The following XYLT1 variants were observed in gnomAD, a reference collection of about 807,000 sequenced individuals.
XYLT1 encodes beta-D-xylosyltransferase 1.
Under a neutral mutation model 91.3 loss-of-function variants are expected in XYLT1, and 36 were observed. That is an observed-to-expected ratio of 0.39 (90% CI 0.30 to 0.52). The LOEUF (loss-of-function observed/expected upper bound fraction) is 0.52. Ranked by LOEUF, XYLT1 falls within the 20% of genes least tolerant of loss-of-function variation. XYLT1 has a pLI of 0.68. For synonymous variants in XYLT1, 588 were observed against 532.0 expected (o/e 1.11, Z -1.45); for missense variants, 1,242 against 1,284.5 (o/e 0.97, Z 0.51).
intron 5 of XYLT1, among the ~76,000 whole-genome samples, chr16:17,188,100 A>C (rs1320599549): frequency 6.6e-6 from 1 of 151,842 alleles, no homozygotes; most frequent in Non-Finnish European, 1.5e-5. Context: ...TGGGTTCAGG[A>C]AGCTCCTTAT....
chr16:17,332,135 G>A lies in XYLT1; in HGVS notation c.402+25877C>T, dbSNP rs141077081. Among the ~76,000 whole-genome samples the A allele has an allele frequency of 4.9e-4, 75 of 152,336 alleles. 5 individuals are homozygous for A. In the East Asian group the frequency reaches 0.014, roughly 29 times the overall value. On this transcript the variant is annotated intron_variant, in intron 2 of 11. Coordinates refer to ENST00000261381, the MANE Select transcript of XYLT1 (RefSeq NM_022166.4). ...ATACAACCGTGTGGCCCTGCATGGTGCACAGCACCTGCTTCCCTGGGGCTG... is the reference window on the plus strand; with the variant it reads ...ATACAACCGTGTGGCCCTGCATGGTACACAGCACCTGCTTCCCTGGGGCTG...
intron 1 of XYLT1, among the ~76,000 whole-genome samples, chr16:17,417,959 C>G (rs543145019): frequency 3.3e-4 from 50 of 152,316 alleles, no homozygotes; most frequent in African/African-American, 1.1e-3. Context: ...TGAGCTCCCC[C>G]CAACAACCCT....
intron 7 of XYLT1, among the ~76,000 whole-genome samples, chr16:17,140,784 G>A (rs1265337224): frequency 6.6e-6 from 1 of 151,906 alleles, no homozygotes; most frequent in Admixed American, 6.6e-5. Flanking sequence ...CATTGTGGAT[G>A]TCAGAAGGGT....
rs115613097 is a variant in XYLT1 at position 17,136,297 on chromosome 16, T to C, written c.1765-1562A>G. On this transcript the variant is annotated intron_variant, in intron 8 of 11. Coordinates refer to ENST00000261381, the MANE Select transcript of XYLT1 (RefSeq NM_022166.4). ...ATGACTCCAAAATCCAAGCCCTTTC[T>C]ACTGTATCACTCCAGGACTGAGGCA... Among the ~76,000 whole-genome samples, 791 of 152,286 alleles carry C rather than the reference T, an allele frequency of 5.2e-3. 5 individuals carry two copies. The highest frequency in any genetic ancestry group is 0.016 in the African/African-American group (676 of 41,540).
chr16:17,164,296 T>C (rs879822615), intron 5 of XYLT1, among the ~76,000 whole-genome samples: 12 of 150,650 alleles, frequency 8.0e-5, no homozygotes, highest in African/African-American at 2.9e-4. Context: ...GTCACAAATT[T>C]TTTTTTTTTT....
intron 2 of XYLT1, among the ~76,000 whole-genome samples, chr16:17,340,495 A>G (rs1041181229): frequency 7.9e-5 from 12 of 152,224 alleles, no homozygotes; most frequent in Non-Finnish European, 1.6e-4. Flanking sequence ...GAGGTATCAC[A>G]GAATGGTTAA....
At chr16:17,134,430 C>T in intron 9 of XYLT1, 43 bp downstream of exon 9, 2 of 1,605,728 alleles carry the variant, frequency 1.2e-6, no homozygotes, top group Non-Finnish European at 1.7e-6. Flanking sequence ...AGCCTCCCCT[C>T]CTGCTTCTCA....
rs2036608109 is a variant in XYLT1, at chr16:17,447,523, G to C, written c.363+22911C>G. Among the ~76,000 whole-genome samples, 3 of 152,370 alleles carry C rather than the reference G, an allele frequency of 2.0e-5. No homozygotes were observed. In the South Asian group the frequency reaches 6.2e-4, roughly 32 times the overall value. ...GAGGGTCTCCCAGACATGCCGTCCT[G>C]CTGCTGAGTTCATGGGTCAAAGACA... On this transcript the variant is annotated intron_variant, in intron 1 of 11. Transcript: ENST00000261381.
In XYLT1 at chr16:17,259,214, G is replaced by C; in HGVS notation, c.687C>G (p.His229Gln). The change falls in exon 3 of 12, where the codon CAC (histidine) becomes CAG (glutamine). Residue 229 changes from histidine (H) to glutamine (Q), a missense_variant. Transcript: ENST00000261381. The stretch of plus-strand genomic sequence containing the variant: ...GAGGCGGTCTGGACACATCCTTCCC[G>C]TGGCTGCTGTTGGCTGCGGCTCTGT... ...PGDRAAANSS[H>Q]GKDVSRPPHA... 1 of 1,613,890 alleles carries C rather than the reference G, an allele frequency of 6.2e-7. No homozygotes were observed. Among genetic ancestry groups the C allele is most frequent in the Non-Finnish European group, 8.5e-7 (1 of 1,179,974 alleles).
At chr16:17,347,674 A>G (rs564756171) in intron 2 of XYLT1, among the ~76,000 whole-genome samples, 7 of 152,342 alleles carry the variant, frequency 4.6e-5, no homozygotes, top group Non-Finnish European at 8.8e-5. Flanking sequence ...TAATCAAAAC[A>G]TGACACAAGA....
rs574316262 is a variant in XYLT1 at position 17,266,394 on chromosome 16, G to A, written c.403-6896C>T. On this transcript the variant is annotated intron_variant, in intron 2 of 11. Transcript: ENST00000261381. ...TCTTAGGTTCCGTTCCAAGCCTGTTGCATGTACTAACTCATTTAATCTCCA... is the reference window on the plus strand; with the variant it reads ...TCTTAGGTTCCGTTCCAAGCCTGTTACATGTACTAACTCATTTAATCTCCA... Among the ~76,000 whole-genome samples, 412 of 152,298 alleles carry A rather than the reference G, an allele frequency of 2.7e-3. 2 individuals carry two copies. The highest frequency in any genetic ancestry group is 4.5e-3 in the Non-Finnish European group (305 of 68,028).
intron 2 of XYLT1, among the ~76,000 whole-genome samples, chr16:17,304,028 C>A (rs2141815251): frequency 6.6e-6 from 1 of 151,926 alleles, no homozygotes; most frequent in South Asian, 2.1e-4. Flanking sequence ...CAGGTGCATG[C>A]AGATATATAT....
intron 2 of XYLT1, among the ~76,000 whole-genome samples, chr16:17,302,391 C>A (rs2034409539): frequency 1.3e-5 from 2 of 152,168 alleles, no homozygotes; most frequent in Admixed American, 6.5e-5. Context: ...CTGCTGTTAG[C>A]AAGCTGCAAA....
At chr16:17,345,939 T>C (rs2035138495) in intron 2 of XYLT1, among the ~76,000 whole-genome samples, 1 of 151,986 alleles carries the variant, frequency 6.6e-6, no homozygotes, top group South Asian at 2.1e-4. Flanking sequence ...GCCTCCCGAG[T>C]AGCTGGGATT....
intron 1 of XYLT1, among the ~76,000 whole-genome samples, chr16:17,367,039 A>T (rs1157934399): frequency 6.6e-6 from 1 of 151,908 alleles, no homozygotes; most frequent in Admixed American, 6.6e-5. Context: ...CTTCAGGTCG[A>T]CTACTTTGCT....
At chr16:17,337,867 G>C (rs1161798254) in intron 2 of XYLT1, among the ~76,000 whole-genome samples, 1 of 143,106 alleles carries the variant, frequency 7.0e-6, no homozygotes, top group African/African-American at 2.7e-5. Context: ...TCCAGCTTCT[G>C]TCTCCAGGGT....
chr16:17,253,333 A>G lies in XYLT1; in HGVS notation c.913+5655T>C, dbSNP rs536460849. 7.9e-5 allele frequency among the ~76,000 whole-genome samples: 12 copies of G among 152,188 alleles called. No homozygotes were observed. The South Asian group carries it at 2.1e-3, about 26-fold the overall frequency. ...GGTGTGCAATGGCTTTTAAATGCCAATCTTATTAACCAGCTCACAGGTCCT... is the reference window on the plus strand; with the variant it reads ...GGTGTGCAATGGCTTTTAAATGCCAGTCTTATTAACCAGCTCACAGGTCCT... On this transcript the variant is annotated intron_variant, in intron 3 of 11. Transcript: ENST00000261381.
chr16:17,132,528 AGT>A (rs2030523829), intron 9 of XYLT1, among the ~76,000 whole-genome samples: 1 of 50,122 alleles, frequency 2.0e-5, no homozygotes, highest in Admixed American at 2.6e-4. Flanking sequence ...AACCCTGAGC[AGT>A]TAGTACATGG....
At chr16:17,341,310 C>T (rs1203859463) in intron 2 of XYLT1, among the ~76,000 whole-genome samples, 2 of 152,148 alleles carry the variant, frequency 1.3e-5, no homozygotes, top group Admixed American at 1.3e-4. Flanking sequence ...CTTTATTGAA[C>T]AGCTACTACA....
Sources: gnomAD v4.1 joint callset for allele counts (sites outside exome capture counted in the v4.1 genomes callset) on GRCh38, gnomAD v4.1.1 for gene constraint, MANE v1.5 for transcripts, NCBI Gene and HGNC (gene_info 2026-07-23, HGNC 2026-07-21) for gene names.